SEMA4D: variants seen among roughly 807,000 people sequenced by gnomAD.
SEMA4D encodes semaphorin 4D, also known as semaphorin-4D.
A neutral mutation model predicts 74.8 loss-of-function variants in SEMA4D; 22 were observed. The ratio of observed to expected loss-of-function variants is 0.29; its 90% CI spans 0.21 to 0.42. SEMA4D has a LOEUF of 0.42. Among genes scored for constraint, SEMA4D ranks in the 10% least tolerant of loss-of-function variants. The pLI is 1.00. For synonymous variants in SEMA4D, 445 were observed against 463.7 expected (o/e 0.96, Z 0.52); for missense variants, 937 against 1,118.4 (o/e 0.84, Z 2.31).
intron 1 of SEMA4D, among the ~76,000 whole-genome samples, chr9:89,488,974 T>C (rs1825415981): frequency 6.6e-6 from 1 of 152,128 alleles, no homozygotes. Context: ...TAAAAAGTGA[T>C]CAAAAGATCT....
chr9:89,408,916 C>T (rs998520702), intron 2 of SEMA4D, among the ~76,000 whole-genome samples: 4 of 152,228 alleles, frequency 2.6e-5, no homozygotes, highest in Non-Finnish European at 5.9e-5. Flanking sequence ...AAGGTCCATA[C>T]ACACAAAAGA....
rs780456299 is a variant in SEMA4D, at chr9:89,466,499, A to G, written c.-309-10546T>C. ...GTGAACACATGCTTGACTGCTCTCC[A>G]TATGTACCGAGGGCTGCCCATGACC... On this transcript the variant is annotated intron_variant, in intron 1 of 15. Coordinates refer to ENST00000422704, the MANE Select transcript of SEMA4D (RefSeq NM_001371194.2). Among the ~76,000 whole-genome samples the G allele has an allele frequency of 3.9e-5, 6 of 152,068 alleles. 1 individual carries two copies. The highest frequency in any genetic ancestry group is 4.2e-4 in the South Asian group (2 of 4,810).
At position 89,488,352 on chromosome 9, in the gene SEMA4D, CTTTT is replaced by C. The variant is rs1158168446; in HGVS notation, c.-310+9563_-310+9566del. ...AATTAACTCGAAATGGATCACAGAT[CTTTT>C]TTTTTTTTTTTTTTTTTTTTTTTTG... On this transcript the variant is annotated intron_variant, in intron 1 of 15. Transcript: ENST00000422704. Among the ~76,000 whole-genome samples, 552 of 62,500 alleles carry C rather than the reference CTTTT, an allele frequency of 8.8e-3. 3 individuals carry two copies. Among genetic ancestry groups the C allele is most frequent in the African/African-American group, 0.033 (510 of 15,544 alleles). The allele number at this position is 62,500 out of a possible 152,430, so 41.0% of individuals were successfully genotyped here.
intron 1 of SEMA4D, among the ~76,000 whole-genome samples, chr9:89,488,860 C>T (rs1235317684): frequency 6.6e-6 from 1 of 151,822 alleles, no homozygotes; most frequent in Non-Finnish European, 1.5e-5. Flanking sequence ...AAAGGCAAGC[C>T]ATAGACTGAG....
intron 2 of SEMA4D, among the ~76,000 whole-genome samples, chr9:89,440,119 C>A (rs1353327657): frequency 2.6e-5 from 4 of 152,158 alleles, no homozygotes; most frequent in African/African-American, 9.7e-5. Context: ...TCCCTGTGAG[C>A]CTGACCCTCA....
intron 2 of SEMA4D, among the ~76,000 whole-genome samples, chr9:89,411,933 C>A (rs866501189): frequency 1.3e-5 from 2 of 152,236 alleles, no homozygotes; most frequent in African/African-American, 4.8e-5. Context: ...CCACTCCACT[C>A]CTGCCCCCTC....
chr9:89,433,662 T>C (rs1218996743), intron 2 of SEMA4D, among the ~76,000 whole-genome samples: 1 of 152,142 alleles, frequency 6.6e-6, no homozygotes, highest in African/African-American at 2.4e-5. Context: ...ATAGAAGCAA[T>C]CAGGTTCTGC....
At chr9:89,438,964 CTTTTTTTTTTTTTTTTTTT>C (rs57394947) in intron 2 of SEMA4D, among the ~76,000 whole-genome samples, 5 of 38,190 alleles carry the variant, frequency 1.3e-4, no homozygotes, top group African/African-American at 4.7e-4. Flanking sequence ...CGCACCGGGC[CTTTTTTTTTTTTTTTTTTT>C]TTTTTTTTTT....
chr9:89,480,477 C>G (rs1241473765), intron 1 of SEMA4D, among the ~76,000 whole-genome samples: 1 of 152,318 alleles, frequency 6.6e-6, no homozygotes, highest in South Asian at 2.1e-4. Flanking sequence ...GGGTGGCTCT[C>G]GTCGGGGAGG....
At chr9:89,466,641 C>G (rs1041321476) in intron 1 of SEMA4D, among the ~76,000 whole-genome samples, 1 of 152,066 alleles carries the variant, frequency 6.6e-6, no homozygotes, top group East Asian at 1.9e-4. Flanking sequence ...TGCACACTCT[C>G]AAGGCACAGC....
rs1392998967 is a variant in SEMA4D at position 89,381,239 on chromosome 9, G to A, written c.1554C>T (p.Pro518=). Residue 518 remains proline (P), a synonymous_variant, in exon 14 of 16, where the codon CCC becomes CCT. Coordinates refer to ENST00000422704, the MANE Select transcript of SEMA4D (RefSeq NM_001371194.2). This position sits in a 1 kb window ranked among gnomAD's most constrained non-coding sequence, Gnocchi z 4.6. ...CTGTGGGCGGGCTCCAGGCGCAGTA[G>A]GGGTCCCGCGCCAGCACACAGTCCT... The part of the protein sequence containing the change: ...TCEDCVLARD[P]YCAWSPPTAT... 2.5e-6 allele frequency: 4 copies of A among 1,605,778 alleles called. No individual in the cohort carries two copies. The highest frequency in any genetic ancestry group is 1.1e-5 in the South Asian group (1 of 90,718).
At chr9:89,363,497 T>A (rs747995521) in exon 18 of SEMA4D, 2 of 1,614,078 alleles carry the variant, frequency 1.2e-6, no homozygotes, top group Non-Finnish European at 1.7e-6. Flanking sequence ...GGCAGAGAGC[T>A]CTCTGGTCCA....
downstream of SEMA4D, among the ~76,000 whole-genome samples, chr9:89,375,309 G>T (rs544355318): frequency 1.3e-5 from 2 of 152,214 alleles, no homozygotes; most frequent in South Asian, 4.1e-4. Flanking sequence ...CCATTCAGCT[G>T]TGAGAGCGGC....
intron 6 of SEMA4D, among the ~76,000 whole-genome samples, chr9:89,394,906 C>A (rs1840606327): frequency 6.6e-6 from 1 of 152,196 alleles, no homozygotes; most frequent in Non-Finnish European, 1.5e-5. Flanking sequence ...ACTGAAGTTA[C>A]ATAGGAAAAT....
Position 89,387,112 on chromosome 9 carries a change from C to T in SEMA4D, c.1330+274G>A, listed in dbSNP as rs185071977. On this transcript the variant is annotated intron_variant, in intron 12 of 15. Transcript: ENST00000422704. The stretch of plus-strand genomic sequence containing the variant: ...GGGCACTGCCCCAACTCCTCGGCGG[C>T]CAGTACTCCTCTGCCCCAGCCCAGC... 1.1e-3 allele frequency: 425 copies of T among 391,360 alleles called. 2 individuals carry two copies. In the East Asian group the frequency reaches 0.011, roughly 10 times the overall value. The allele number at this position is 391,360 out of a possible 1,614,324, so 24.2% of individuals were successfully genotyped here. A position where few individuals can be genotyped will look rare whatever the true frequency, so the allele number is the denominator to read the frequency against.
intron 1 of SEMA4D, among the ~76,000 whole-genome samples, chr9:89,487,511 A>G (rs1051584072): frequency 5.3e-5 from 8 of 152,162 alleles, no homozygotes; most frequent in African/African-American, 1.9e-4. Flanking sequence ...TCTATTAATC[A>G]TTGTACTGAA....
chr9:89,376,694 C>T, downstream of SEMA4D: 1 of 1,280,972 alleles, frequency 7.8e-7, no homozygotes, highest in African/African-American at 1.5e-5. Context: ...TGAAACGGCT[C>T]AACCCGAGGG....
chr9:89,385,841 C>T, intron 13 of SEMA4D: 1 of 927,590 alleles, frequency 1.1e-6, no homozygotes, highest in Non-Finnish European at 1.3e-6. Flanking sequence ...GCCAGGGAGG[C>T]AGCCCCCTAA....
intron 1 of SEMA4D, among the ~76,000 whole-genome samples, chr9:89,459,311 G>A (rs1856711235): frequency 6.6e-6 from 1 of 152,218 alleles, no homozygotes; most frequent in Non-Finnish European, 1.5e-5. Context: ...TAGTTCCAGT[G>A]AACAGCCTCT....
Sources: gnomAD v4.1 joint callset for allele counts (sites outside exome capture counted in the v4.1 genomes callset) on GRCh38, gnomAD v4.1.1 for gene constraint, Gnocchi (gnomAD v3.1) non-coding constraint, MANE v1.5 for transcripts, NCBI Gene and HGNC (gene_info 2026-07-23, HGNC 2026-07-21) for gene names.